The following PADI4 variants were observed in gnomAD, a reference collection of about 807,000 sequenced individuals.
The protein encoded by PADI4 is protein-arginine deiminase type-4.
A neutral mutation model predicts 75.0 loss-of-function variants in PADI4; 62 were observed. The ratio of observed to expected loss-of-function variants is 0.83; its 90% confidence interval spans 0.67 to 1.02. The LOEUF (loss-of-function observed/expected upper bound fraction) is 1.02. Ranked by LOEUF, PADI4 falls within the 50% of genes least tolerant of loss-of-function variation. The pLI is 0.00. For synonymous variants in PADI4, 361 were observed against 348.1 expected (o/e 1.04, Z -0.41); for missense variants, 845 against 850.5 (o/e 0.99, Z 0.08).
intron 8 of PADI4, among the ~76,000 whole-genome samples, chr1:17,345,461 G>A (rs2074498518): frequency 6.6e-6 from 1 of 152,130 alleles, no homozygotes; most frequent in South Asian, 2.1e-4. Context: ...GAGGGGCCAG[G>A]GGCAGGATGA....
chr1:17,349,506 A>G (rs1417633252), intron 10 of PADI4, among the ~76,000 whole-genome samples: 1 of 152,170 alleles, frequency 6.6e-6, no homozygotes. Flanking sequence ...GAAGTTCGAG[A>G]CCAGCCTGGC....
intron 1 of PADI4, among the ~76,000 whole-genome samples, chr1:17,316,644 C>G (rs1222372905): frequency 6.6e-6 from 1 of 151,318 alleles, no homozygotes; most frequent in African/African-American, 2.4e-5. Flanking sequence ...GAGCCAAGAT[C>G]GCACCACTGC....
rs2074521666 is a variant in PADI4 at position 17,346,670 on chromosome 1, C to A, written c.1047+531C>A. The stretch of plus-strand genomic sequence containing the variant: ...CTCCCCCATCATGCCAGGAGTGCCC[C>A]AAGGACTGAGACTGGGCCTCATCCA... On this transcript the variant is annotated intron_variant, in intron 9 of 15. Coordinates refer to ENST00000375448, the MANE Select transcript of PADI4 (RefSeq NM_012387.3). The surrounding 1 kb of genome is among the most constrained non-coding windows in gnomAD (Gnocchi z 4.3). Among the ~76,000 whole-genome samples the A allele has an allele frequency of 6.6e-6, 1 of 152,154 alleles. No individual in the cohort carries two copies. The highest frequency in any genetic ancestry group is 2.4e-5 in the African/African-American group (1 of 41,432).
At chr1:17,361,883 T>C (rs1362333881) in intron 15 of PADI4, among the ~76,000 whole-genome samples, 1 of 152,306 alleles carries the variant, frequency 6.6e-6, no homozygotes, top group Admixed American at 6.5e-5. Context: ...CAGATGTTTA[T>C]TGAGTGCCTA....
rs1467010612 is a variant in PADI4 at position 17,339,796 on chromosome 1, G to C, written c.635G>C (p.Arg212Thr). The C allele has an allele frequency of 6.2e-7, 1 of 1,608,684 alleles. No homozygotes were observed. The highest frequency in any genetic ancestry group is 1.3e-5 in the African/African-American group (1 of 74,770). The change falls in exon 6 of 16, where the codon AGG (arginine) becomes ACG (threonine). Residue 212 changes from arginine to threonine, a missense_variant. Coordinates refer to ENST00000375448, the MANE Select transcript of PADI4 (RefSeq NM_012387.3). ...HVARSEMDKV[R>T]VFQATRGKLS... ...GCCAGGTCTGAGATGGACAAAGTGA[G>C]GGTGTTTCAGGCCACACGTAAGTCA...
chr1:17,333,895 G>A, intron 2 of PADI4, 48 bp from the exon 3 acceptor site: 1 of 1,437,420 alleles, frequency 7.0e-7, no homozygotes, highest in East Asian at 2.3e-5. Flanking sequence ...TCCAGTGGGT[G>A]TTTGTTGAAT....
intron 1 of PADI4, among the ~76,000 whole-genome samples, chr1:17,330,517 C>G (rs1027628337): frequency 2.6e-5 from 4 of 152,174 alleles, no homozygotes; most frequent in African/African-American, 7.2e-5. Context: ...AACAATGCAG[C>G]CTTCAGTCTG....
At chr1:17,317,146 A>T (rs77276868) in intron 1 of PADI4, among the ~76,000 whole-genome samples, 2,571 of 152,042 alleles carry the variant, frequency 0.017, 40 homozygotes, top group Non-Finnish European at 0.026. Flanking sequence ...GGCTGGTCTC[A>T]AACTTATGGA....
At chr1:17,352,882 G>A (rs764333316) in intron 10 of PADI4, among the ~76,000 whole-genome samples, 10 of 152,306 alleles carry the variant, frequency 6.6e-5, no homozygotes, top group South Asian at 2.1e-4. Context: ...GCTCGGGAAC[G>A]GAATTCCATG....
Position 17,363,878 on chromosome 1 carries a change from G to C in PADI4, c.*123G>C, listed in dbSNP as rs892582084. The C allele has an allele frequency of 3.1e-6, 2 of 645,268 alleles. No homozygotes were observed. The highest frequency in any genetic ancestry group is 5.5e-6 in the Non-Finnish European group (2 of 362,244). The allele number at this position is 645,268 out of a possible 1,614,324, so 40.0% of individuals were successfully genotyped here. A position where few individuals can be genotyped will look rare whatever the true frequency, so the allele number is the denominator to read the frequency against. ...GGGGCGGCCAGCCCTCCCAGCAGTG[G>C]CTTGCTTTCTTCTCCTGTGATGTCC... is the stretch of plus-strand genomic sequence containing the variant. On this transcript the variant is annotated 3_prime_UTR_variant, in exon 16 of 16. Coordinates refer to ENST00000375448, the MANE Select transcript of PADI4 (RefSeq NM_012387.3).
chr1:17,314,961 T>A (rs144536643), intron 1 of PADI4, among the ~76,000 whole-genome samples: 1 of 152,194 alleles, frequency 6.6e-6, no homozygotes, highest in East Asian at 1.9e-4. Context: ...ACCCTGGCAA[T>A]CTCCCCGAGG....
chr1:17,333,237 C>T (rs1007986466), intron 2 of PADI4, among the ~76,000 whole-genome samples: 8 of 152,144 alleles, frequency 5.3e-5, no homozygotes, highest in East Asian at 1.9e-4. Flanking sequence ...CAGTGATGGC[C>T]GTGGCGTTTT....
chr1:17,341,763 C>T (rs1378549581), intron 6 of PADI4, among the ~76,000 whole-genome samples, 180 bp from the exon 7 acceptor site: 1 of 152,210 alleles, frequency 6.6e-6, no homozygotes, highest in Admixed American at 6.5e-5. Context: ...CGGGGAGCAG[C>T]GTCCCAGCTA....
intron 4 of PADI4, 26 bp downstream of exon 4, chr1:17,336,252 CCTACTT>C: frequency 6.3e-7 from 1 of 1,596,794 alleles, no homozygotes. Flanking sequence ...ACGCTCCTTT[CCTACTT>C]CTACTGGATT....
intron 1 of PADI4, among the ~76,000 whole-genome samples, chr1:17,319,200 T>C (rs1569991550): frequency 6.6e-6 from 1 of 152,204 alleles, no homozygotes; most frequent in South Asian, 2.1e-4. Context: ...AAGTGTTTTT[T>C]TGATTGTCTG....
intron 1 of PADI4, among the ~76,000 whole-genome samples, chr1:17,317,937 T>C (rs139598282): frequency 0.011 from 1,740 of 152,254 alleles, 41 homozygotes; most frequent in African/African-American, 0.04. Context: ...GGCCGGAGGA[T>C]TGCTTGAGCC....
At chr1:17,357,095 G>T (rs1557582623) in intron 13 of PADI4, among the ~76,000 whole-genome samples, 1 of 152,122 alleles carries the variant, frequency 6.6e-6, no homozygotes, top group Non-Finnish European at 1.5e-5. Flanking sequence ...GTTAATGCAA[G>T]GCAAAATGTT....
chr1:17,363,460 G>T lies in PADI4; in HGVS notation c.1759-62G>T. 4.2e-6 allele frequency: 5 copies of T among 1,178,566 alleles called. No homozygotes were observed. In the South Asian group the frequency reaches 5.2e-5, roughly 12 times the overall value. 73.0% of individuals were successfully genotyped at this position (1,178,566 alleles called of 1,614,324 possible). On this transcript the variant is annotated intron_variant, in intron 15 of 15. Coordinates refer to ENST00000375448, the MANE Select transcript of PADI4 (RefSeq NM_012387.3). The stretch of plus-strand genomic sequence containing the variant: ...CCAAAGGTCAGAGAAGGGTGGGGCC[G>T]CTCAGATTGCGCTGCAGGCTGCCCG...
intron 8 of PADI4, 50 bp from the exon 9 acceptor site, chr1:17,345,978 T>G: frequency 8.0e-7 from 1 of 1,247,300 alleles, no homozygotes; most frequent in Non-Finnish European, 1.2e-6. Flanking sequence ...CCTTCCAGGC[T>G]GAGCTTCAAA....
Sources: allele counts gnomAD v4.1 joint callset (sites outside exome capture counted in the v4.1 genomes callset), GRCh38; gene constraint gnomAD v4.1.1; non-coding constraint Gnocchi (gnomAD v3.1); transcripts MANE v1.5; gene names NCBI Gene and HGNC (gene_info 2026-07-23, HGNC 2026-07-21).